Variants in SI observed in about 807,000 individuals in gnomAD.
SI encodes sucrase-isomaltase, also known as sucrase-isomaltase, intestinal.
A neutral mutation model predicts 253.3 loss-of-function variants in SI; 235 were observed. That is an observed-to-expected ratio of 0.93 (90% CI 0.83 to 1.03). The LOEUF is 1.03. Ranked by LOEUF, SI falls within the 50% of genes least tolerant of loss-of-function variation. SI has a pLI of 0.00. For missense variants in SI, 2,442 were observed against 2,211.1 expected, an observed-to-expected ratio of 1.10 and a Z score of -2.09; for synonymous variants, 819 against 712.0, an observed-to-expected ratio of 1.15 and a Z score of -2.39.
the SI span, among the ~76,000 whole-genome samples, chr3:165,086,401 A>G: frequency 1.3e-5 from 2 of 152,210 alleles, no homozygotes; most frequent in African/African-American, 4.8e-5. Flanking sequence ...GGTTGCTGGC[A>G]CAAAACTGAA....
intron 9 of SI, among the ~76,000 whole-genome samples, chr3:165,061,746 A>G (rs748540992): frequency 4.6e-5 from 7 of 152,028 alleles, no homozygotes; most frequent in Non-Finnish European, 1.0e-4. Context: ...AATCATCTTC[A>G]GTGTAGGTCC....
At chr3:164,989,432 GA>G (rs1169643090) in intron 44 of SI, among the ~76,000 whole-genome samples, 73 of 146,258 alleles carry the variant, frequency 5.0e-4, no homozygotes, top group African/African-American at 1.8e-3. Flanking sequence ...AAGAAAGAAA[GA>G]AAGGAAAGAA....
At chr3:165,075,851 C>G (rs1373241292) in intron 2 of SI, 44 bp downstream of exon 2, 2 of 1,164,554 alleles carry the variant, frequency 1.7e-6, no homozygotes, top group Non-Finnish European at 2.6e-6. Flanking sequence ...TAACTTCCTC[C>G]TAACTTCACG....
chr3:165,031,099 A>G (rs1712213833), intron 24 of SI, among the ~76,000 whole-genome samples: 1 of 149,542 alleles, frequency 6.7e-6, no homozygotes, highest in Admixed American at 6.7e-5. Context: ...ATATATACAT[A>G]TATGTACATA....
At chr3:165,072,814 C>G (rs551408975) in intron 3 of SI, among the ~76,000 whole-genome samples, 2 of 146,204 alleles carry the variant, frequency 1.4e-5, no homozygotes, top group Non-Finnish European at 3.0e-5. Flanking sequence ...GAATAAGATA[C>G]CATTTAAATG....
intron 5 of SI, among the ~76,000 whole-genome samples, chr3:165,068,412 ATT>A (rs1714367277): frequency 6.6e-6 from 1 of 152,172 alleles, no homozygotes; most frequent in Non-Finnish European, 1.5e-5. Flanking sequence ...GAGAAAATGT[ATT>A]TGTAGGATGA....
chr3:164,992,519 CTG>C lies in SI; in HGVS notation c.4842-124_4842-123del, dbSNP rs1475437481. ...TTTGTGGATTAAAATAAAAACAAAACTGTAAAAAAATTAAAAAATATATCAGT... is the reference window on the plus strand; with the variant it reads ...TTTGTGGATTAAAATAAAAACAAAACTAAAAAAATTAAAAAATATATCAGT... On this transcript the variant is annotated intron_variant, in intron 41 of 47. Transcript: ENST00000264382. The C allele has an allele frequency of 7.1e-6, 5 of 703,078 alleles. No homozygotes were observed. In the Admixed American group the frequency reaches 1.4e-4, roughly 20 times the overall value. 43.6% of individuals were successfully genotyped at this position (703,078 alleles called of 1,614,324 possible). A position where few individuals can be genotyped will look rare whatever the true frequency, so the allele number is the denominator to read the frequency against.
Position 165,030,758 on chromosome 3 carries a change from A to T in SI, c.2846T>A (p.Leu949Ter), listed in dbSNP as rs1167836319. 1 of 1,609,290 alleles carries T rather than the reference A, an allele frequency of 6.2e-7. No homozygotes were observed. Among genetic ancestry groups the T allele is most frequent in the South Asian group, 1.1e-5 (1 of 90,918 alleles). ...ERFNCYPDAD[L>*]ATEQKCTQRG... The stretch of plus-strand genomic sequence containing the variant: ...TTGTGTGCACTTTTGTTCAGTTGCC[A>T]AATCTGCATCTGGATAACAATTAAA... The change falls in exon 25 of 48, where the codon TTG (leucine) becomes TAG (stop). Residue 949 changes from leucine to a stop codon, truncating the protein, a stop_gained. Coordinates refer to ENST00000264382, the MANE Select transcript of SI (RefSeq NM_001041.4). LOFTEE classifies it high-confidence loss of function.
At chr3:165,028,354 G>T (rs1416489719) in intron 25 of SI, among the ~76,000 whole-genome samples, 4 of 151,372 alleles carry the variant, frequency 2.6e-5, no homozygotes, top group African/African-American at 4.8e-5. Context: ...TTGTGAAAAT[G>T]ACCATACTGC....
chr3:165,048,584 T>G (rs9681959), intron 15 of SI, among the ~76,000 whole-genome samples: 21,289 of 125,016 alleles, frequency 0.17, 1,781 homozygotes, highest in South Asian at 0.21. Flanking sequence ...TATATATATA[T>G]AGAGAGAGAG....
Position 165,078,458 on chromosome 3 carries a change from C to T in SI, c.-26G>A, listed in dbSNP as rs565244579. On this transcript the variant is annotated 5_prime_UTR_variant, in exon 1 of 48. Transcript: ENST00000264382. ...CTTATTTCATAGCCTGTTCTCTTTG[C>T]TATGTTGTACCAGACTTGGATAAGG... 3.9e-5 allele frequency: 6 copies of T among 152,072 alleles called. No homozygotes were observed. Among genetic ancestry groups the T allele is most frequent in the African/African-American group, 1.4e-4 (6 of 41,480 alleles). The allele number at this position is 152,072 out of a possible 1,614,324, so 9.4% of individuals were successfully genotyped here. A position where few individuals can be genotyped will look rare whatever the true frequency, so the allele number is the denominator to read the frequency against.
Position 165,019,665 on chromosome 3 carries a change from T to A in SI, c.3360A>T (p.Thr1120=), listed in dbSNP as rs201688831. The change falls in exon 28 of 48, where the codon ACA becomes ACT. Residue 1120 remains threonine, a synonymous_variant. Transcript: ENST00000264382. ...TCCAGTTCAGATCTCGCTTAAATGC[T>A]GTATGTTCCACTTCCCCAAAACCAT... ...YIYGFGEVEH[T]AFKRDLNWNT... 6.2e-7 allele frequency: 1 copy of A among 1,612,756 alleles called. No homozygotes were observed. The highest frequency in any genetic ancestry group is 1.7e-5 in the Admixed American group (1 of 59,796).
intron 33 of SI, among the ~76,000 whole-genome samples, chr3:165,014,470 C>T (rs758471029): frequency 6.6e-6 from 1 of 152,002 alleles, no homozygotes; most frequent in Non-Finnish European, 1.5e-5. Context: ...AGGATGGTCT[C>T]GATCTCCTGA....
chr3:164,994,122 A>G, intron 41 of SI, 135 bp downstream of exon 41: 1 of 725,596 alleles, frequency 1.4e-6, no homozygotes, highest in Non-Finnish European at 2.4e-6. Flanking sequence ...TGCTTTATTA[A>G]TAAAAAATGT....
intron 8 of SI, 75 bp downstream of exon 8, chr3:165,063,367 T>A: frequency 2.7e-6 from 2 of 729,676 alleles, no homozygotes; most frequent in Non-Finnish European, 5.0e-6. Flanking sequence ...ACAATATGAA[T>A]GATTGAAATA....
chr3:165,032,644 T>A lies in SI; in HGVS notation c.2614A>T (p.Thr872Ser), dbSNP rs763265016. ...ATTTTTACAGTCTGAAATGCTAAGG[T>A]AGTTCCTTCCTGATATGATGAATGT... is the stretch of plus-strand genomic sequence containing the variant. ...CTHSSYQEGTTLAFQTVKILG... is the reference protein window; with the variant it reads ...CTHSSYQEGTSLAFQTVKILG... The change falls in exon 24 of 48, where the codon ACC becomes TCC. Residue 872 changes from threonine (T) to serine (S), a missense_variant. Coordinates refer to ENST00000264382, the MANE Select transcript of SI (RefSeq NM_001041.4). The A allele has an allele frequency of 1.9e-6, 3 of 1,608,342 alleles. No homozygotes were observed. In the South Asian group the frequency reaches 3.3e-5, roughly 18 times the overall value.
chr3:165,021,401 TA>T lies in SI; in HGVS notation c.3100-19del, dbSNP rs1274620767. ...TCATAAATCTATTGCAGATAAGTAG[TA>T]AAAAAGTTTATTCTGATTGCTGACA... On this transcript the variant is annotated intron_variant, in intron 26 of 47. Transcript: ENST00000264382. 2.5e-6 allele frequency: 4 copies of T among 1,596,828 alleles called. No individual in the cohort carries two copies. The highest frequency in any genetic ancestry group is 4.5e-5 in the East Asian group (2 of 44,634).
At chr3:165,070,082 A>G (rs1560017995) in intron 3 of SI, among the ~76,000 whole-genome samples, 2 of 146,954 alleles carry the variant, frequency 1.4e-5, no homozygotes, top group South Asian at 2.1e-4. Context: ...TATATATAGT[A>G]TATGTACTAT....
At position 165,068,820 on chromosome 3, in the gene SI, T is replaced by C. The variant is rs747749008; in HGVS notation, c.385A>G (p.Lys129Glu). Reference protein sequence around the residue: ...MTTTSIGVEAKLNRIPSPTLF... With the variant: ...MTTTSIGVEAELNRIPSPTLF... ...GTAGGTGAAGGTATCCTGTTTAATT[T>C]GGCTTCAACTCCTTAAAGAATAAAA... The change falls in exon 5 of 48, where the codon AAA (lysine) becomes GAA (glutamate). Residue 129 changes from lysine to glutamate, a missense_variant. Transcript: ENST00000264382. 1 of 1,589,766 alleles carries C rather than the reference T, an allele frequency of 6.3e-7. No individual in the cohort carries two copies. The highest frequency in any genetic ancestry group is 1.1e-5 in the South Asian group (1 of 90,132).
Sources: allele counts gnomAD v4.1 joint callset (sites outside exome capture counted in the v4.1 genomes callset), GRCh38; gene constraint gnomAD v4.1.1; transcripts MANE v1.5; gene names NCBI Gene and HGNC (gene_info 2026-07-23, HGNC 2026-07-21).